PCDH15: variants seen among roughly 807,000 people sequenced by gnomAD.
PCDH15 encodes the protein protocadherin-15.
A neutral mutation model predicts 178.5 loss-of-function variants in PCDH15; 129 were observed. That is an observed-to-expected ratio of 0.72 (90% CI 0.63 to 0.84). The LOEUF (loss-of-function observed/expected upper bound fraction) is 0.84. PCDH15 is among the 40% of genes least tolerant of loss of function. PCDH15 has a pLI of 0.00. For synonymous variants in PCDH15, 800 were observed against 732.0 expected (o/e 1.09, Z -1.50); for missense variants, 2,230 against 2,099.9 (o/e 1.06, Z -1.21).
chr10:55,570,282 G>T (rs1280748591), intron 2 of PCDH15, among the ~76,000 whole-genome samples: 1 of 151,912 alleles, frequency 6.6e-6, no homozygotes, highest in Non-Finnish European at 1.5e-5. Context: ...TTATTAAGAG[G>T]TTTTTGACAA....
chr10:54,635,426 T>C (rs1204615719), intron 2 of PCDH15, among the ~76,000 whole-genome samples: 1 of 151,632 alleles, frequency 6.6e-6, no homozygotes, highest in Non-Finnish European at 1.5e-5. Flanking sequence ...ATACACTGTG[T>C]AATTTTACAA....
intron 2 of PCDH15, among the ~76,000 whole-genome samples, chr10:55,582,614 A>C (rs1368506214): frequency 1.1e-5 from 1 of 88,678 alleles, no homozygotes; most frequent in African/African-American, 6.1e-5. Context: ...ATATATATAT[A>C]TATATATATA....
At chr10:53,878,348 A>G (rs1387564514) in intron 26 of PCDH15, among the ~76,000 whole-genome samples, 1 of 142,124 alleles carries the variant, frequency 7.0e-6, no homozygotes, top group East Asian at 2.1e-4. Flanking sequence ...TATATATAAT[A>G]GACTATATAT....
At chr10:54,855,609 T>C (rs1205864461) in intron 3 of PCDH15, among the ~76,000 whole-genome samples, 2 of 152,212 alleles carry the variant, frequency 1.3e-5, no homozygotes, top group Admixed American at 6.5e-5. Context: ...ATCACAAATA[T>C]AGTATCTGAG....
chr10:53,914,926 A>G (rs2083418290), intron 25 of PCDH15, among the ~76,000 whole-genome samples: 1 of 152,176 alleles, frequency 6.6e-6, no homozygotes, highest in African/African-American at 2.4e-5. Flanking sequence ...TTTTTATATC[A>G]TTATTAATTG....
At chr10:53,909,246 C>T (rs1203338846) in intron 25 of PCDH15, among the ~76,000 whole-genome samples, 1 of 152,110 alleles carries the variant, frequency 6.6e-6, no homozygotes, top group Admixed American at 6.5e-5. Context: ...TTCTCTTTCC[C>T]CTTCCACCAT....
intron 1 of PCDH15, among the ~76,000 whole-genome samples, chr10:55,205,265 T>C (rs1840365781): frequency 6.6e-6 from 1 of 152,036 alleles, no homozygotes; most frequent in Non-Finnish European, 1.5e-5. Context: ...ATATCTATGA[T>C]AATATAAACC....
intron 1 of PCDH15, among the ~76,000 whole-genome samples, chr10:55,171,283 A>G (rs1467260300): frequency 6.6e-6 from 1 of 152,236 alleles, no homozygotes; most frequent in Non-Finnish European, 1.5e-5. Flanking sequence ...ACTCTGTATA[A>G]ATAGCAATTC....
chr10:54,831,215 A>T (rs949185382), intron 3 of PCDH15, among the ~76,000 whole-genome samples: 4 of 152,104 alleles, frequency 2.6e-5, no homozygotes, highest in African/African-American at 9.7e-5. Flanking sequence ...TCTAACAAAA[A>T]ATTAGGTTTA....
chr10:53,935,158 G>T (rs2085456324), intron 25 of PCDH15, among the ~76,000 whole-genome samples: 2 of 151,494 alleles, frequency 1.3e-5, no homozygotes, highest in South Asian at 2.1e-4. Context: ...ATAAGAAAAT[G>T]GAATGAAAAA....
chr10:55,512,068 T>G (rs1840896611), intron 2 of PCDH15, among the ~76,000 whole-genome samples: 1 of 152,004 alleles, frequency 6.6e-6, no homozygotes, highest in Non-Finnish European at 1.5e-5. Flanking sequence ...TCCATTAAAG[T>G]AAACAAACTT....
chr10:54,114,296 G>C (rs4589198), intron 15 of PCDH15, among the ~76,000 whole-genome samples: 1 of 152,012 alleles, frequency 6.6e-6, no homozygotes, highest in Non-Finnish European at 1.5e-5. Context: ...TACAGAGTTA[G>C]TAAAAAACAA....
intron 2 of PCDH15, among the ~76,000 whole-genome samples, chr10:54,940,863 T>C (rs909281149): frequency 6.6e-6 from 1 of 152,132 alleles, no homozygotes; most frequent in African/African-American, 2.4e-5. Context: ...TTCTTGTGGT[T>C]GCTATCATTT....
chr10:54,830,360 T>G (rs1953202076), intron 3 of PCDH15, among the ~76,000 whole-genome samples: 2 of 152,024 alleles, frequency 1.3e-5, no homozygotes, highest in Admixed American at 6.6e-5. Context: ...ATAGACTGGA[T>G]TAACAAAATG....
intron 25 of PCDH15, among the ~76,000 whole-genome samples, chr10:53,915,188 AAT>A (rs2083434008): frequency 6.6e-6 from 1 of 152,234 alleles, no homozygotes; most frequent in Non-Finnish European, 1.5e-5. Flanking sequence ...AAAAGAGAGA[AAT>A]ATGTTATAGT....
At chr10:53,820,013 A>G (rs2076199420) in intron 33 of PCDH15, among the ~76,000 whole-genome samples, 152 bp downstream of exon 33, 1 of 152,188 alleles carries the variant, frequency 6.6e-6, no homozygotes, top group South Asian at 2.1e-4. Context: ...GTAGGTACCT[A>G]CACAAATATG....
chr10:54,516,246 T>A (rs1055826618), intron 3 of PCDH15, among the ~76,000 whole-genome samples: 1 of 152,106 alleles, frequency 6.6e-6, no homozygotes, highest in African/African-American at 2.4e-5. Flanking sequence ...AGGCTTCAGA[T>A]GATCAACTAC....
intron 2 of PCDH15, among the ~76,000 whole-genome samples, chr10:55,100,086 A>G (rs1842542712): frequency 6.6e-6 from 1 of 152,124 alleles, no homozygotes. Context: ...TACCAAGAGC[A>G]TTTATACAGA....
At chr10:55,060,624 T>G (rs1223866772) in intron 2 of PCDH15, among the ~76,000 whole-genome samples, 2 of 151,782 alleles carry the variant, frequency 1.3e-5, no homozygotes, top group Non-Finnish European at 2.9e-5. Context: ...CAAAAATAGG[T>G]TTAATGAATA....
Sources: gnomAD v4.1 joint callset for allele counts (sites outside exome capture counted in the v4.1 genomes callset) on GRCh38, gnomAD v4.1.1 for gene constraint, MANE v1.5 for transcripts, NCBI Gene and HGNC (gene_info 2026-07-23, HGNC 2026-07-21) for gene names.